The following SLC12A1 variants were observed in gnomAD, a reference collection of about 807,000 sequenced individuals.
SLC12A1 encodes solute carrier family 12 member 1.
SLC12A1 carries 89 observed loss-of-function variants against 130.4 expected under a neutral mutation model. That is an observed-to-expected ratio of 0.68 (90% CI 0.58 to 0.81). The LOEUF is 0.81. Among genes scored for constraint, SLC12A1 ranks in the 40% least tolerant of loss-of-function variants. The pLI is 0.00. For missense variants in SLC12A1, 1,310 were observed against 1,336.4 expected, an observed-to-expected ratio of 0.98 and a Z score of 0.31; for synonymous variants, 499 against 460.0, an observed-to-expected ratio of 1.08 and a Z score of -1.09.
intron 20 of SLC12A1, among the ~76,000 whole-genome samples, chr15:48,284,295 G>A (rs2042035993): frequency 6.6e-6 from 1 of 152,154 alleles, no homozygotes; most frequent in Non-Finnish European, 1.5e-5. Context: ...TTTATTGTAA[G>A]ATTTTGTTAT....
chr15:48,251,839 T>C, intron 15 of SLC12A1, 69 bp downstream of exon 15: 5 of 1,400,364 alleles, frequency 3.6e-6, no homozygotes, highest in South Asian at 1.2e-5. Flanking sequence ...TAAGCATTTA[T>C]TGAGCAGCTT....
rs540985658 is a variant in SLC12A1 at position 48,221,771 on chromosome 15, T to A, written c.628+775T>A. On this transcript the variant is annotated intron_variant, in intron 4 of 26. Transcript: ENST00000380993. ...TTTAATGAGATAAAAATTAATAATG[T>A]TCTATTCCATATATGGGAAATACAT... Among the ~76,000 whole-genome samples, 118 of 152,344 alleles carry A rather than the reference T, an allele frequency of 7.7e-4. 5 individuals are homozygous for A. The South Asian group carries it at 0.024, about 30-fold the overall frequency.
chr15:48,228,904 G>T (rs60545295), intron 5 of SLC12A1: 1 of 256,422 alleles, frequency 3.9e-6, no homozygotes, highest in East Asian at 7.2e-5. Flanking sequence ...TAAAGACAAC[G>T]CATTTTTTGT....
At chr15:48,270,750 GTATATATATATATATATA>G (rs71458477) in intron 19 of SLC12A1, among the ~76,000 whole-genome samples, 1 of 1,052 alleles carries the variant, frequency 9.5e-4, no homozygotes, top group Non-Finnish European at 2.7e-3. Context: ...GTGTATGTGT[GTATATATATATATATATA>G]TATATATATA....
chr15:48,228,575 G>C (rs982439791), intron 5 of SLC12A1: 1 of 191,024 alleles, frequency 5.2e-6, no homozygotes, highest in Non-Finnish European at 1.1e-5. Flanking sequence ...TATATGTTTT[G>C]TATATATATG....
rs1351696791 is a variant in SLC12A1 at position 48,299,174 on chromosome 15, C to CT, written c.2995_2996insT (p.Arg999LeufsTer4). The CT allele has an allele frequency of 1.2e-6, 2 of 1,606,080 alleles. No homozygotes were observed. The highest frequency in any genetic ancestry group is 1.7e-6 in the Non-Finnish European group (2 of 1,177,678). ...CTTTGAAGAGATGATTGAACCATAT[C>CT]GTCTCCATGAAAGCTGCAAAGATTT... On this transcript the variant is annotated frameshift_variant, in exon 25 of 27. Transcript: ENST00000380993. LOFTEE classifies it high-confidence loss of function.
rs374572818 is a variant in SLC12A1 at position 48,259,098 on chromosome 15, C to A, written c.2043-102C>A. ...CAAAAAATAGATAGGGGAGAGGTTG[C>A]CCCATTTTTCCAAGCCTCTGTACCT... On this transcript the variant is annotated intron_variant, in intron 16 of 26. Transcript: ENST00000380993. 5.6e-6 allele frequency: 4 copies of A among 711,226 alleles called. No individual in the cohort carries two copies. In the Admixed American group the frequency reaches 7.0e-5, roughly 12 times the overall value. The allele number at this position is 711,226 out of a possible 1,614,324, so 44.1% of individuals were successfully genotyped here. A position where few individuals can be genotyped will look rare whatever the true frequency, so the allele number is the denominator to read the frequency against.
intron 5 of SLC12A1, 116 bp downstream of exon 5, chr15:48,226,687 A>G (rs947498578): frequency 4.3e-6 from 3 of 702,032 alleles, no homozygotes; most frequent in Non-Finnish European, 7.4e-6. Context: ...AAGCCTGGCT[A>G]TTTGGAGGAG....
chr15:48,238,836 A>G (rs544270041), intron 9 of SLC12A1, among the ~76,000 whole-genome samples: 1 of 152,288 alleles, frequency 6.6e-6, no homozygotes, highest in African/African-American at 2.4e-5. Flanking sequence ...CCCATCCAGA[A>G]CCTTACATTT....
intron 4 of SLC12A1, among the ~76,000 whole-genome samples, chr15:48,221,951 C>T (rs1158906662): frequency 6.6e-6 from 1 of 152,060 alleles, no homozygotes; most frequent in Non-Finnish European, 1.5e-5. Context: ...TCAGCATCAC[C>T]GGAAGACTAA....
At chr15:48,274,284 T>C (rs1178758879) in intron 19 of SLC12A1, among the ~76,000 whole-genome samples, 2 of 152,204 alleles carry the variant, frequency 1.3e-5, no homozygotes, top group African/African-American at 4.8e-5. Flanking sequence ...AAGATTCGAT[T>C]ATTTTTAAAA....
intron 11 of SLC12A1, among the ~76,000 whole-genome samples, chr15:48,245,169 G>A (rs1056536421): frequency 1.3e-5 from 2 of 152,210 alleles, no homozygotes; most frequent in Non-Finnish European, 2.9e-5. Context: ...TGTGTGTTCC[G>A]ATCAGTTGTG....
At chr15:48,296,203 T>C (rs2042176280) in intron 24 of SLC12A1, among the ~76,000 whole-genome samples, 1 of 152,226 alleles carries the variant, frequency 6.6e-6, no homozygotes, top group Non-Finnish European at 1.5e-5. Flanking sequence ...TCAAAAATAG[T>C]TTGTCAATGA....
chr15:48,287,917 T>A, intron 21 of SLC12A1, 126 bp from the exon 22 acceptor site: 1 of 1,019,418 alleles, frequency 9.8e-7, no homozygotes, highest in East Asian at 2.7e-5. Context: ...ATACCGCTAT[T>A]TATTTTAGGT....
chr15:48,215,187 G>A (rs2041105247), intron 2 of SLC12A1, among the ~76,000 whole-genome samples: 1 of 151,060 alleles, frequency 6.6e-6, no homozygotes, highest in African/African-American at 2.4e-5. Flanking sequence ...ATGTTTCTGG[G>A]GTCTGAAAAA....
At chr15:48,216,202 G>A (rs978170721) in intron 2 of SLC12A1, among the ~76,000 whole-genome samples, 4 of 152,192 alleles carry the variant, frequency 2.6e-5, no homozygotes, top group Non-Finnish European at 2.9e-5. Context: ...TTACTAACTT[G>A]CACATATAGT....
chr15:48,220,640 G>T lies in SLC12A1; in HGVS notation c.427G>T (p.Ala143Ser). 6.2e-7 allele frequency: 1 copy of T among 1,612,872 alleles called. No homozygotes were observed. Among genetic ancestry groups the T allele is most frequent in the African/African-American group, 1.3e-5 (1 of 75,018 alleles). The change falls in exon 3 of 27, where the codon GCA (alanine) becomes TCA (serine). Residue 143 changes from alanine (A) to serine (S), a missense_variant. Ala to Ser is a moderately conservative substitution (Grantham distance 99). Transcript: ENST00000380993. ...TGCTATCTATAAAATGCAGAATGTG[G>T]CAGTCACCCCAAGTTCAGCTGACAG... ...EIHEQLAKNV[A>S]VTPSSADRVA...
intron 20 of SLC12A1, 81 bp from the exon 21 acceptor site, chr15:48,285,025 T>A: frequency 1.8e-6 from 2 of 1,103,222 alleles, no homozygotes; most frequent in South Asian, 2.1e-5. Flanking sequence ...CATACCATTT[T>A]AAATATTAAA....
At chr15:48,210,769 A>G (rs1348100641) in intron 2 of SLC12A1, among the ~76,000 whole-genome samples, 2 of 151,662 alleles carry the variant, frequency 1.3e-5, no homozygotes, top group Admixed American at 1.3e-4. Context: ...AGACTGAGGC[A>G]GGAGAATTGC....
Sources: allele counts gnomAD v4.1 joint callset (sites outside exome capture counted in the v4.1 genomes callset), GRCh38; gene constraint gnomAD v4.1.1; transcripts MANE v1.5; gene names NCBI Gene and HGNC (gene_info 2026-07-23, HGNC 2026-07-21).